GRIK1: variants seen among roughly 807,000 people sequenced by gnomAD.
GRIK1 encodes the protein glutamate ionotropic receptor kainate type subunit 1.
Under a neutral mutation model 105.7 loss-of-function variants are expected in GRIK1, and 69 were observed. The observed-to-expected ratio is 0.65, with a 90% CI of 0.54 to 0.80. The LOEUF is 0.80. Ranked by LOEUF, GRIK1 falls within the 30% of genes least tolerant of loss-of-function variation. GRIK1 has a pLI of 0.00. For synonymous variants in GRIK1, 438 were observed against 431.3 expected, an observed-to-expected ratio of 1.02 and a Z score of -0.19; for missense variants, 1,109 against 1,167.3, an observed-to-expected ratio of 0.95 and a Z score of 0.73.
intron 1 of GRIK1, among the ~76,000 whole-genome samples, chr21:29,698,670 C>T (rs2146756954): frequency 6.6e-6 from 1 of 152,108 alleles, no homozygotes; most frequent in South Asian, 2.1e-4. Flanking sequence ...TCTTTATAGA[C>T]TGGAAATGGT....
Position 29,850,477 on chromosome 21 carries a change from T to A in GRIK1, c.118+88906A>T, listed in dbSNP as rs1462875855. ...TACACACCCTGTACCCAATCTCAGATATCCTCTCCCCTGGCCACTCCTATT... is the reference window on the plus strand; with the variant it reads ...TACACACCCTGTACCCAATCTCAGAAATCCTCTCCCCTGGCCACTCCTATT... On this transcript the variant is annotated intron_variant, in intron 1 of 17. Coordinates refer to ENST00000327783, the MANE Select transcript of GRIK1 (RefSeq NM_001330994.2). Among the ~76,000 whole-genome samples, 6 of 152,258 alleles carry A rather than the reference T, an allele frequency of 3.9e-5. No homozygotes were observed. The South Asian group carries it at 6.2e-4, about 16-fold the overall frequency.
At chr21:29,574,683 C>CTTTTTTTT (rs71191118) in intron 14 of GRIK1, among the ~76,000 whole-genome samples, 1 of 98,412 alleles carries the variant, frequency 1.0e-5, no homozygotes, top group Non-Finnish European at 2.0e-5. Context: ...TGATACACTT[C>CTTTTTTTT]TTTTTTTTTT....
intron 7 of GRIK1, among the ~76,000 whole-genome samples, chr21:29,631,946 T>C (rs2062283504): frequency 6.6e-6 from 1 of 151,928 alleles, no homozygotes; most frequent in African/African-American, 2.4e-5. Context: ...ATGTTCAATT[T>C]AAGTAATTAA....
At chr21:29,828,932 C>T (rs577490291) in intron 1 of GRIK1, among the ~76,000 whole-genome samples, 1 of 152,258 alleles carries the variant, frequency 6.6e-6, no homozygotes, top group African/African-American at 2.4e-5. Flanking sequence ...TCAAACCAAA[C>T]CAGTTTTACT....
Position 29,694,026 on chromosome 21 carries a change from A to G in GRIK1, c.156T>C (p.Asn52=), listed in dbSNP as rs1307987609. 5 of 1,613,372 alleles carry G rather than the reference A, an allele frequency of 3.1e-6. No homozygotes were observed. The highest frequency in any genetic ancestry group is 1.7e-5 in the Admixed American group (1 of 59,990). The change falls in exon 2 of 18, where the codon AAT becomes AAC. Residue 52 remains asparagine, a synonymous_variant. Coordinates refer to ENST00000327783, the MANE Select transcript of GRIK1 (RefSeq NM_001330994.2). The part of the protein sequence containing the change: ...IFETVENEPV[N]VEELAFKFAV... ...CAAACTTGAAAGCTAATTCTTCAAC[A>G]TTAACAGGCTCATTTTCCACTGTTT...
intron 7 of GRIK1, chr21:29,601,311 A>G (rs1007034710): frequency 4.0e-5 from 18 of 446,824 alleles, no homozygotes; most frequent in African/African-American, 2.8e-4. Flanking sequence ...TTAGACTCAG[A>G]CTAGACTTAC....
intron 1 of GRIK1, among the ~76,000 whole-genome samples, chr21:29,856,350 A>T (rs2068464357): frequency 6.6e-6 from 1 of 152,214 alleles, no homozygotes; most frequent in African/African-American, 2.4e-5. Flanking sequence ...GTAGCCAATT[A>T]TGTTGAAAAC....
chr21:29,907,023 T>TAA lies in GRIK1; in HGVS notation c.118+32358_118+32359dup, dbSNP rs61372535. On this transcript the variant is annotated intron_variant, in intron 1 of 17. Transcript: ENST00000327783. The stretch of plus-strand genomic sequence containing the variant: ...TCTCTTTGAGATGAATCAATAAAAA[T>TAA]AAAAAAAAAAAAGCCAAAGCAAATA... Among the ~76,000 whole-genome samples, 394 of 137,688 alleles carry TAA rather than the reference T, an allele frequency of 2.9e-3. 3 individuals carry two copies. Among genetic ancestry groups the TAA allele is most frequent in the African/African-American group, 9.9e-3 (382 of 38,546 alleles). The allele number at this position is 137,688 out of a possible 152,430, so 90.3% of individuals were successfully genotyped here. A position where few individuals can be genotyped will look rare whatever the true frequency, so the allele number is the denominator to read the frequency against.
chr21:29,572,662 T>A (rs141596487), intron 14 of GRIK1, among the ~76,000 whole-genome samples: 64 of 152,364 alleles, frequency 4.2e-4, no homozygotes, highest in African/African-American at 1.4e-3. Flanking sequence ...GAATCTTGGC[T>A]CTTCCATTGC....
chr21:29,834,161 A>G (rs915972147), intron 1 of GRIK1, among the ~76,000 whole-genome samples: 9 of 151,906 alleles, frequency 5.9e-5, no homozygotes, highest in African/African-American at 1.2e-4. Flanking sequence ...AATTTTGAGG[A>G]CCAAGTATTT....
At chr21:29,847,587 C>G (rs1285894189) in intron 1 of GRIK1, among the ~76,000 whole-genome samples, 1 of 152,116 alleles carries the variant, frequency 6.6e-6, no homozygotes, top group African/African-American at 2.4e-5. Context: ...GACTCTGTCT[C>G]AAAAAACAAA....
intron 7 of GRIK1, 44 bp downstream of exon 7, chr21:29,642,780 AAC>A: frequency 6.3e-7 from 1 of 1,589,760 alleles, no homozygotes; most frequent in Admixed American, 1.7e-5. Context: ...GGGCAAGCCC[AAC>A]AGTGCTCAGA....
chr21:29,648,197 T>A (rs549562581), intron 6 of GRIK1, among the ~76,000 whole-genome samples: 5 of 152,216 alleles, frequency 3.3e-5, no homozygotes, highest in African/African-American at 1.2e-4. Flanking sequence ...CATCCATGTA[T>A]GTATGCACCA....
At chr21:29,901,015 G>A (rs1343713678) in intron 1 of GRIK1, among the ~76,000 whole-genome samples, 2 of 152,214 alleles carry the variant, frequency 1.3e-5, no homozygotes, top group Admixed American at 6.5e-5. Context: ...CATGGAAACC[G>A]AACAACCTGC....
intron 1 of GRIK1, among the ~76,000 whole-genome samples, chr21:29,891,512 C>T (rs1467927365): frequency 2.6e-5 from 4 of 152,168 alleles, no homozygotes; most frequent in Non-Finnish European, 5.9e-5. Flanking sequence ...CATTCCTTCC[C>T]TTTCTGTGAT....
At chr21:29,560,513 TTCCTTC>T (rs1568815385) in intron 15 of GRIK1, among the ~76,000 whole-genome samples, 836 of 38,444 alleles carry the variant, frequency 0.022, 156 homozygotes, top group Middle Eastern at 0.042. Context: ...CCTTCCTTCC[TTCCTTC>T]CTTTCTTTCT....
At chr21:29,687,157 G>A (rs2063500500) in intron 3 of GRIK1, among the ~76,000 whole-genome samples, 1 of 152,184 alleles carries the variant, frequency 6.6e-6, no homozygotes, top group Non-Finnish European at 1.5e-5. Flanking sequence ...CGTGCACACT[G>A]CTCCCATTGA....
chr21:29,857,437 C>T (rs566802718), intron 1 of GRIK1, among the ~76,000 whole-genome samples: 1 of 152,256 alleles, frequency 6.6e-6, no homozygotes, highest in South Asian at 2.1e-4. Context: ...TTTCTTACAA[C>T]AATGCATAAA....
intron 1 of GRIK1, among the ~76,000 whole-genome samples, chr21:29,918,191 A>C (rs747402008): frequency 6.6e-6 from 1 of 152,104 alleles, no homozygotes; most frequent in Non-Finnish European, 1.5e-5. Flanking sequence ...TTACTAAGAA[A>C]ATTTTAAAAA....
Sources: allele counts gnomAD v4.1 joint callset (sites outside exome capture counted in the v4.1 genomes callset), GRCh38; gene constraint gnomAD v4.1.1; transcripts MANE v1.5; gene names NCBI Gene and HGNC (gene_info 2026-07-23, HGNC 2026-07-21).